Variants in NR6A1 observed in about 807,000 individuals in gnomAD.
The protein encoded by NR6A1 is retinoic acid receptor-related testis-associated receptor.
Under a neutral mutation model 59.1 loss-of-function variants are expected in NR6A1, and 7 were observed. That is an observed-to-expected ratio of 0.12 (90% CI 0.07 to 0.22). The LOEUF is 0.22. Ranked by LOEUF, NR6A1 falls within the 10% of genes least tolerant of loss-of-function variation. NR6A1 has a pLI of 1.00. For missense variants in NR6A1, 468 were observed against 611.6 expected, an observed-to-expected ratio of 0.77 and a Z score of 2.48; for synonymous variants, 243 against 236.1, an observed-to-expected ratio of 1.03 and a Z score of -0.27.
At chr9:124,716,899 A>G (rs1299349745) in intron 2 of NR6A1, among the ~76,000 whole-genome samples, 2 of 152,204 alleles carry the variant, frequency 1.3e-5, no homozygotes, top group African/African-American at 2.4e-5. Flanking sequence ...GGCCTCTCCA[A>G]GTGTTGATAT....
chr9:124,531,410 G>T (rs1186370219), intron 7 of NR6A1, among the ~76,000 whole-genome samples: 1 of 152,204 alleles, frequency 6.6e-6, no homozygotes, highest in Non-Finnish European at 1.5e-5. Context: ...AGGTGATCAT[G>T]TATCATCTGG....
At chr9:124,736,147 G>T (rs1280391415) in intron 1 of NR6A1, among the ~76,000 whole-genome samples, 1 of 152,106 alleles carries the variant, frequency 6.6e-6, no homozygotes, top group Non-Finnish European at 1.5e-5. Context: ...ACAATGGGAA[G>T]GTTAGACCTC....
chr9:124,738,736 G>A (rs929426000), intron 1 of NR6A1, among the ~76,000 whole-genome samples: 10 of 151,908 alleles, frequency 6.6e-5, no homozygotes, highest in African/African-American at 9.7e-5. Flanking sequence ...CGGGTGCAGC[G>A]GCTCACACCT....
chr9:124,582,060 A>G (rs1244170143), intron 2 of NR6A1, among the ~76,000 whole-genome samples: 2 of 152,240 alleles, frequency 1.3e-5, no homozygotes, highest in East Asian at 3.8e-4. Flanking sequence ...CGACCCAGCA[A>G]TCCCATTACT....
intron 1 of NR6A1, among the ~76,000 whole-genome samples, chr9:124,757,291 A>T (rs183773415): frequency 1.0e-3 from 153 of 152,276 alleles, no homozygotes; most frequent in Non-Finnish European, 1.8e-3. Context: ...CTGAAAAAAT[A>T]AAACCTATCT....
chr9:124,672,954 C>G (rs1447069607), intron 2 of NR6A1, among the ~76,000 whole-genome samples: 1 of 152,066 alleles, frequency 6.6e-6, no homozygotes, highest in Non-Finnish European at 1.5e-5. Flanking sequence ...AGGGAGGGAA[C>G]AGAAAACACA....
At position 124,663,696 on chromosome 9, in the gene NR6A1, T is replaced by C. The variant is rs559854421; in HGVS notation, c.142+69612A>G. 6.0e-4 allele frequency among the ~76,000 whole-genome samples: 91 copies of C among 152,282 alleles called. 1 individual carries two copies. The South Asian group carries it at 0.018, about 30-fold the overall frequency. On this transcript the variant is annotated intron_variant, in intron 2 of 9. Coordinates refer to ENST00000487099, the MANE Select transcript of NR6A1 (RefSeq NM_033334.4). ...AATAGAAGGGTTCCAGGCTGGTTCA[T>C]AGCACAGGCCATTCTCCATTTAAAT...
chr9:124,589,725 A>C (rs1182894986), intron 2 of NR6A1, among the ~76,000 whole-genome samples: 2 of 152,206 alleles, frequency 1.3e-5, no homozygotes, highest in Non-Finnish European at 2.9e-5. Context: ...ACCATAAATA[A>C]ATATATCTGA....
At chr9:124,554,776 T>G (rs1037025855) in intron 2 of NR6A1, among the ~76,000 whole-genome samples, 4 of 152,064 alleles carry the variant, frequency 2.6e-5, no homozygotes, top group African/African-American at 9.7e-5. Context: ...CCTAAACTCT[T>G]CCTCCTGGGT....
At chr9:124,657,813 A>G (rs115254766) in intron 2 of NR6A1, among the ~76,000 whole-genome samples, 122 of 152,206 alleles carry the variant, frequency 8.0e-4, no homozygotes, top group African/African-American at 2.8e-3. Context: ...GGATAAAAAG[A>G]CATAAAGCTT....
intron 2 of NR6A1, among the ~76,000 whole-genome samples, chr9:124,635,566 A>G (rs146991218): frequency 6.6e-6 from 1 of 152,316 alleles, no homozygotes; most frequent in East Asian, 1.9e-4. Context: ...TTTTCTTTAT[A>G]AATTACCCAG....
chr9:124,622,020 C>G (rs1248613545), intron 2 of NR6A1, among the ~76,000 whole-genome samples: 1 of 152,084 alleles, frequency 6.6e-6, no homozygotes. Flanking sequence ...TTGAAACCAG[C>G]CTGGGAAACA....
At chr9:124,720,461 C>T (rs1839532160) in intron 2 of NR6A1, among the ~76,000 whole-genome samples, 1 of 152,200 alleles carries the variant, frequency 6.6e-6, no homozygotes. Context: ...GAATTTTGTA[C>T]TAACAGATGA....
In NR6A1 at chr9:124,624,875, AATTACTTTTTGAC is replaced by A. The variant is rs545170625; in HGVS notation, c.143-70318_143-70306del. On this transcript the variant is annotated intron_variant, in intron 2 of 9. Coordinates refer to ENST00000487099, the MANE Select transcript of NR6A1 (RefSeq NM_033334.4). ...CAGCACAATCCATTTGTCCTGCTCT[AATTACTTTTTGAC>A]ATTACTTTTTCTGTTGCTAGCTTGT... is the stretch of plus-strand genomic sequence containing the variant. Among the ~76,000 whole-genome samples the A allele has an allele frequency of 3.3e-5, 5 of 150,730 alleles. No individual in the cohort carries two copies. In the East Asian group the frequency reaches 9.8e-4, roughly 29 times the overall value.
At chr9:124,717,336 C>T (rs1250323219) in intron 2 of NR6A1, among the ~76,000 whole-genome samples, 3 of 152,064 alleles carry the variant, frequency 2.0e-5, no homozygotes, top group African/African-American at 7.2e-5. Context: ...AGAAGCAGCC[C>T]AGGTATCAAC....
intron 1 of NR6A1, among the ~76,000 whole-genome samples, chr9:124,738,063 G>A (rs1452325005): frequency 6.6e-6 from 1 of 152,064 alleles, no homozygotes; most frequent in Non-Finnish European, 1.5e-5. Context: ...AGACCAGCCT[G>A]GCCAACATAG....
In NR6A1 at chr9:124,580,823, A is replaced by AAATAAT. The variant is rs146466856; in HGVS notation, c.143-26259_143-26254dup. On this transcript the variant is annotated intron_variant, in intron 2 of 9. Transcript: ENST00000487099. ...CAACAGAGTGAGACTCCAACTCAAA[A>AAATAAT]AATAATAATAATAATAATAATAAAG... is the stretch of plus-strand genomic sequence containing the variant. Among the ~76,000 whole-genome samples the AAATAAT allele has an allele frequency of 4.0e-5, 6 of 151,654 alleles. No homozygotes were observed. The East Asian group carries it at 7.8e-4, about 20-fold the overall frequency.
intron 2 of NR6A1, among the ~76,000 whole-genome samples, chr9:124,608,733 C>T (rs1300496796): frequency 1.3e-5 from 2 of 152,250 alleles, no homozygotes; most frequent in African/African-American, 2.4e-5. Flanking sequence ...TCTTCCACAA[C>T]GGTTGAACTA....
Position 124,674,647 on chromosome 9 carries a change from A to G in NR6A1, c.142+58661T>C, listed in dbSNP as rs569536415. ...TACACATGCTTTGAGGCTGCTGCACATCAAAGAAATGAATTTGGACATAAG... is the reference window on the plus strand; with the variant it reads ...TACACATGCTTTGAGGCTGCTGCACGTCAAAGAAATGAATTTGGACATAAG... On this transcript the variant is annotated intron_variant, in intron 2 of 9. Coordinates refer to ENST00000487099, the MANE Select transcript of NR6A1 (RefSeq NM_033334.4). Among the ~76,000 whole-genome samples, 91 of 152,356 alleles carry G rather than the reference A, an allele frequency of 6.0e-4. 1 individual carries two copies. In the South Asian group the frequency reaches 0.018, roughly 30 times the overall value.
Sources: gnomAD v4.1 joint callset for allele counts (sites outside exome capture counted in the v4.1 genomes callset) on GRCh38, gnomAD v4.1.1 for gene constraint, MANE v1.5 for transcripts, NCBI Gene and HGNC (gene_info 2026-07-23, HGNC 2026-07-21) for gene names.